The following ZNF385D variants were observed in gnomAD, a reference collection of about 807,000 sequenced individuals.
ZNF385D encodes zinc finger protein 385D, also known as zinc finger protein 659.
ZNF385D carries 15 observed loss-of-function variants against 35.8 expected under a neutral mutation model. That is an observed-to-expected ratio of 0.42 (90% CI 0.28 to 0.64). The LOEUF (loss-of-function observed/expected upper bound fraction) is 0.64, where lower values mean the gene tolerates loss of function less well. ZNF385D is among the 30% of genes least tolerant of loss of function. The pLI is 0.23. For missense variants in ZNF385D, 474 were observed against 494.6 expected, an observed-to-expected ratio of 0.96 and a Z score of 0.39; for synonymous variants, 212 against 186.8, an observed-to-expected ratio of 1.13 and a Z score of -1.10.
At chr3:22,199,711 G>A (rs924219070) in intron 2 of ZNF385D, among the ~76,000 whole-genome samples, 2 of 152,072 alleles carry the variant, frequency 1.3e-5, no homozygotes, top group Admixed American at 1.3e-4. Context: ...ATTTCCTAAA[G>A]CAGCATACCC....
intron 2 of ZNF385D, among the ~76,000 whole-genome samples, chr3:22,200,386 C>T (rs534226151): frequency 1.3e-5 from 2 of 151,988 alleles, no homozygotes; most frequent in African/African-American, 2.4e-5. Flanking sequence ...CCCCACAAGC[C>T]GTAAAACCAG....
rs1701587132 is a variant in ZNF385D, at chr3:22,279,157, A to G, written c.106+93293T>C. Among the ~76,000 whole-genome samples the G allele has an allele frequency of 2.0e-5, 3 of 152,158 alleles. No homozygotes were observed. In the South Asian group the frequency reaches 6.2e-4, roughly 32 times the overall value. On this transcript the variant is annotated intron_variant, in intron 2 of 5. Transcript: ENST00000494108. The stretch of plus-strand genomic sequence containing the variant: ...TTGGGGGAACAGGTGATGTTTGGTT[A>G]CATGAATAAGTTATTTAGTGGCCAA...
chr3:22,000,076 C>T (rs771650322), intron 3 of ZNF385D, among the ~76,000 whole-genome samples: 13 of 152,006 alleles, frequency 8.6e-5, no homozygotes, highest in Non-Finnish European at 1.3e-4. Flanking sequence ...GAGGCCGAGG[C>T]GGGCAGATCA....
intron 3 of ZNF385D, among the ~76,000 whole-genome samples, chr3:22,136,363 G>T (rs1185653363): frequency 6.7e-6 from 1 of 149,932 alleles, no homozygotes; most frequent in African/African-American, 2.5e-5. Flanking sequence ...ATTTCCGCCT[G>T]GGCGACAAAG....
At chr3:22,159,885 G>A (rs901641204) in intron 3 of ZNF385D, among the ~76,000 whole-genome samples, 32 of 151,988 alleles carry the variant, frequency 2.1e-4, no homozygotes, top group African/African-American at 7.0e-4. Flanking sequence ...TGAGGAAAGC[G>A]CCACATTTCA....
At position 22,195,316 on chromosome 3, in the gene ZNF385D, A is replaced by C. The variant is rs539033863; in HGVS notation, c.107-26281T>G. ...GTCATACATATATTCTCTTTGCTGA[A>C]GTATTTGTTCAAGTCTGTTGACTGG... On this transcript the variant is annotated intron_variant, in intron 2 of 5. Coordinates refer to the ZNF385D transcript ENST00000494108. 2.0e-5 allele frequency among the ~76,000 whole-genome samples: 3 copies of C among 152,116 alleles called. No individual in the cohort carries two copies. The South Asian group carries it at 6.2e-4, about 31-fold the overall frequency.
rs548750573 is a variant in ZNF385D, at chr3:21,496,202, G to C, written c.439+14659C>G. Among the ~76,000 whole-genome samples, 219 of 150,708 alleles carry C rather than the reference G, an allele frequency of 1.5e-3. 1 individual carries two copies. Among genetic ancestry groups the C allele is most frequent in the African/African-American group, 5.0e-3 (207 of 41,174 alleles). Reference sequence around the variant, plus strand: ...CACTTCTCCCCAACTCATTCTATGAGGCCAGCATCATCTTGATACCTAAAG... The same window carrying C: ...CACTTCTCCCCAACTCATTCTATGACGCCAGCATCATCTTGATACCTAAAG... On this transcript the variant is annotated intron_variant, in intron 4 of 7. Coordinates refer to ENST00000281523, the MANE Select transcript of ZNF385D (RefSeq NM_024697.3).
At chr3:22,261,914 T>C (rs1416646509) in intron 2 of ZNF385D, among the ~76,000 whole-genome samples, 2 of 151,896 alleles carry the variant, frequency 1.3e-5, no homozygotes, top group African/African-American at 4.8e-5. Context: ...TATCTTAACC[T>C]TTTTTTGTTG....
chr3:21,774,685 T>A (rs1000871260), intron 3 of ZNF385D, among the ~76,000 whole-genome samples: 2 of 151,820 alleles, frequency 1.3e-5, no homozygotes, highest in African/African-American at 4.8e-5. Context: ...AGATAAATGA[T>A]GATGGGCTGT....
intron 3 of ZNF385D, among the ~76,000 whole-genome samples, chr3:22,037,303 G>C (rs571681972): frequency 4.2e-5 from 6 of 143,950 alleles, no homozygotes; most frequent in Admixed American, 2.2e-4. Flanking sequence ...TTCCACAATG[G>C]TTGAACTAGT....
chr3:21,739,797 G>C (rs890630166), intron 1 of ZNF385D, among the ~76,000 whole-genome samples: 5 of 152,142 alleles, frequency 3.3e-5, no homozygotes, highest in African/African-American at 1.2e-4. Context: ...AGGGAGTACC[G>C]AGTCAGGTCT....
rs950691835 is a variant in ZNF385D, at chr3:22,320,809, G to A, written c.106+51641C>T. On this transcript the variant is annotated intron_variant, in intron 2 of 5. Transcript: ENST00000494108. ...ATAATTTAGACAGTTTTAAATCAAA[G>A]TAATTTTTTGATTTTATAAGTGTTC... Among the ~76,000 whole-genome samples the A allele has an allele frequency of 3.3e-5, 5 of 151,650 alleles. No homozygotes were observed. In the South Asian group the frequency reaches 1.0e-3, roughly 32 times the overall value.
intron 3 of ZNF385D, among the ~76,000 whole-genome samples, chr3:21,519,327 G>A (rs1395363741): frequency 1.3e-5 from 2 of 152,150 alleles, no homozygotes; most frequent in Non-Finnish European, 2.9e-5. Flanking sequence ...GAAAAAAATA[G>A]TCTAGATGGG....
At chr3:21,602,274 T>G (rs1180706986) in intron 2 of ZNF385D, among the ~76,000 whole-genome samples, 1 of 152,022 alleles carries the variant, frequency 6.6e-6, no homozygotes, top group Non-Finnish European at 1.5e-5. Context: ...AAGGTGAGAT[T>G]TGGGTGGGGA....
chr3:22,228,872 T>C (rs548311269), intron 2 of ZNF385D, among the ~76,000 whole-genome samples: 2 of 152,346 alleles, frequency 1.3e-5, no homozygotes, highest in East Asian at 1.9e-4. Context: ...CCCTTGAACA[T>C]AGACTCCAAT....
intron 2 of ZNF385D, among the ~76,000 whole-genome samples, chr3:22,170,246 T>TA (rs1347892713): frequency 7.2e-5 from 11 of 152,344 alleles, no homozygotes; most frequent in Non-Finnish European, 1.5e-4. Flanking sequence ...GTTCTGGAGT[T>TA]AAACTGACAA....
chr3:22,012,445 ATT>A (rs1482014647), intron 3 of ZNF385D, among the ~76,000 whole-genome samples: 2 of 152,044 alleles, frequency 1.3e-5, no homozygotes, highest in Non-Finnish European at 2.9e-5. Flanking sequence ...TGCTCAAAAC[ATT>A]TCTCTCTCCC....
chr3:21,811,948 T>G (rs942753304), intron 3 of ZNF385D, among the ~76,000 whole-genome samples: 4 of 152,208 alleles, frequency 2.6e-5, no homozygotes, highest in Non-Finnish European at 5.9e-5. Flanking sequence ...ACAGACATTT[T>G]GTGCCTTCAA....
At chr3:22,082,070 G>C (rs1824975) in intron 3 of ZNF385D, among the ~76,000 whole-genome samples, 1 of 148,352 alleles carries the variant, frequency 6.7e-6, no homozygotes, top group Admixed American at 6.9e-5. Flanking sequence ...GCAGTGTTAA[G>C]AATTTTCTTC....
Sources: allele counts gnomAD v4.1 joint callset (sites outside exome capture counted in the v4.1 genomes callset), GRCh38; gene constraint gnomAD v4.1.1; transcripts MANE v1.5; gene names NCBI Gene and HGNC (gene_info 2026-07-23, HGNC 2026-07-21).